CHSY3: variants seen among roughly 807,000 people sequenced by gnomAD.
CHSY3 encodes the protein chondroitin sulfate synthase 3, also known as N-acetylgalactosaminyl-proteoglycan 3-beta-glucuronosyltransferase 3.
A neutral mutation model predicts 67.2 loss-of-function variants in CHSY3; 35 were observed. That is an observed-to-expected ratio of 0.52 (90% confidence interval 0.40 to 0.69). CHSY3 has a LOEUF of 0.69. Among genes scored for constraint, CHSY3 ranks in the 30% least tolerant of loss-of-function variants. The pLI, the probability that CHSY3 is intolerant of heterozygous loss-of-function variation, is 0.00. For missense variants in CHSY3, 1,069 were observed against 1,138.5 expected (o/e 0.94, Z 0.88); for synonymous variants, 474 against 434.7 (o/e 1.09, Z -1.12).
intron 2 of CHSY3, among the ~76,000 whole-genome samples, chr5:130,011,663 G>C (rs759074362): frequency 7.2e-5 from 11 of 152,146 alleles, no homozygotes; most frequent in Non-Finnish European, 1.2e-4. Flanking sequence ...CATCCAAATA[G>C]GAAGATAGGA....
In CHSY3 at chr5:129,904,549, T is replaced by C. The variant is rs886537665; in HGVS notation, c.-281T>C. 2.8e-6 allele frequency: 1 copy of C among 356,322 alleles called. No homozygotes were observed. Among genetic ancestry groups the C allele is most frequent in the Non-Finnish European group, 4.7e-6 (1 of 212,070 alleles). 22.1% of individuals were successfully genotyped at this position (356,322 alleles called of 1,614,324 possible). On this transcript the variant is annotated 5_prime_UTR_variant, in exon 1 of 3. Transcript: ENST00000305031. ...CTCCTGCAGCTCCTCCAGCTGCCGC[T>C]GCTGCCGCCGCTGCCGCCACCGCCG...
intron 2 of CHSY3, among the ~76,000 whole-genome samples, chr5:130,080,137 A>G (rs891764763): frequency 1.3e-5 from 2 of 151,884 alleles, no homozygotes; most frequent in African/African-American, 4.8e-5. Flanking sequence ...ATGTATATCT[A>G]TCATGCTACT....
chr5:130,051,193 C>A (rs539259269), intron 2 of CHSY3, among the ~76,000 whole-genome samples: 2 of 151,824 alleles, frequency 1.3e-5, no homozygotes, highest in Non-Finnish European at 2.9e-5. Flanking sequence ...TGGAGGTGGG[C>A]GTGCATGGAG....
chr5:130,117,529 T>C (rs1181271482), intron 2 of CHSY3, among the ~76,000 whole-genome samples: 2 of 152,222 alleles, frequency 1.3e-5, no homozygotes, highest in Admixed American at 6.5e-5. Flanking sequence ...ACACCATGTC[T>C]ACTTTCTGGG....
At chr5:130,132,459 A>G (rs1768512759) in intron 2 of CHSY3, among the ~76,000 whole-genome samples, 3 of 152,342 alleles carry the variant, frequency 2.0e-5, no homozygotes, top group Non-Finnish European at 2.9e-5. Context: ...AAAAACCACA[A>G]TAACAAATTA....
At chr5:130,047,653 C>G (rs1315585449) in intron 2 of CHSY3, among the ~76,000 whole-genome samples, 1 of 151,916 alleles carries the variant, frequency 6.6e-6, no homozygotes, top group Non-Finnish European at 1.5e-5. Context: ...ATAATATGTT[C>G]TAAAATCCTC....
intron 2 of CHSY3, among the ~76,000 whole-genome samples, chr5:129,944,266 T>C (rs561335908): frequency 7.2e-5 from 11 of 152,356 alleles, no homozygotes; most frequent in African/African-American, 2.4e-4. Flanking sequence ...AGACTAGTTG[T>C]TCTAGACTGG....
chr5:130,037,351 A>G (rs1178325687), intron 2 of CHSY3, among the ~76,000 whole-genome samples: 1 of 152,138 alleles, frequency 6.6e-6, no homozygotes, highest in East Asian at 1.9e-4. Context: ...CTTGCCAAGG[A>G]AGGTACAGGA....
chr5:130,018,072 GTTCTT>G (rs1236520640), intron 2 of CHSY3, among the ~76,000 whole-genome samples: 1 of 151,786 alleles, frequency 6.6e-6, no homozygotes, highest in Non-Finnish European at 1.5e-5. Flanking sequence ...ACGTCTTTAG[GTTCTT>G]TTGTTTTTTA....
chr5:130,020,224 C>T (rs1764327151), intron 2 of CHSY3, among the ~76,000 whole-genome samples: 1 of 151,522 alleles, frequency 6.6e-6, no homozygotes, highest in Admixed American at 6.6e-5. Context: ...TAGAGACCAG[C>T]CTGGACAACA....
intron 2 of CHSY3, among the ~76,000 whole-genome samples, chr5:130,088,699 A>G (rs1196861351): frequency 3.3e-5 from 5 of 152,206 alleles, no homozygotes; most frequent in East Asian, 3.9e-4. Flanking sequence ...TTAGAATGGC[A>G]ATCATTAAAA....
At chr5:130,038,642 A>G (rs557625270) in intron 2 of CHSY3, among the ~76,000 whole-genome samples, 28 of 152,222 alleles carry the variant, frequency 1.8e-4, no homozygotes, top group African/African-American at 6.5e-4. Context: ...TCCTCTCCAT[A>G]GTGTATTGTT....
chr5:130,102,218 A>G (rs1310755283), intron 2 of CHSY3, among the ~76,000 whole-genome samples: 4 of 152,140 alleles, frequency 2.6e-5, no homozygotes, highest in African/African-American at 9.6e-5. Flanking sequence ...GCAGTAAGAC[A>G]GTGCTATAGC....
At chr5:130,046,282 A>G (rs1765145163) in intron 2 of CHSY3, among the ~76,000 whole-genome samples, 1 of 152,110 alleles carries the variant, frequency 6.6e-6, no homozygotes, top group Admixed American at 6.6e-5. Context: ...CCAAAGTTAG[A>G]CTGATTTATA....
At chr5:130,087,735 A>G (rs962049888) in intron 2 of CHSY3, among the ~76,000 whole-genome samples, 1 of 152,050 alleles carries the variant, frequency 6.6e-6, no homozygotes, top group Non-Finnish European at 1.5e-5. Context: ...AACAAATGGA[A>G]GAACATTCCA....
At chr5:130,174,928 C>A (rs566104160) in intron 2 of CHSY3, among the ~76,000 whole-genome samples, 1 of 152,260 alleles carries the variant, frequency 6.6e-6, no homozygotes, top group South Asian at 2.1e-4. Flanking sequence ...ATGCACCCCC[C>A]TGAATTACAA....
intron 2 of CHSY3, among the ~76,000 whole-genome samples, chr5:129,975,860 C>G (rs1039388708): frequency 1.3e-5 from 2 of 151,886 alleles, no homozygotes; most frequent in African/African-American, 4.8e-5. Flanking sequence ...AGGGTTGTTG[C>G]ATGGATAAAA....
At chr5:130,062,258 G>A (rs576469065) in intron 2 of CHSY3, among the ~76,000 whole-genome samples, 4 of 151,764 alleles carry the variant, frequency 2.6e-5, no homozygotes, top group Non-Finnish European at 5.9e-5. Flanking sequence ...AACATGTATG[G>A]AGTTGGAGGC....
At chr5:129,965,531 A>G (rs906554695) in intron 2 of CHSY3, among the ~76,000 whole-genome samples, 22 of 151,842 alleles carry the variant, frequency 1.4e-4, no homozygotes, top group Non-Finnish European at 2.7e-4. Flanking sequence ...GCTGCAGTGC[A>G]CCTTGAGGTT....
Sources: allele counts gnomAD v4.1 joint callset (sites outside exome capture counted in the v4.1 genomes callset), GRCh38; gene constraint gnomAD v4.1.1; transcripts MANE v1.5; gene names NCBI Gene and HGNC (gene_info 2026-07-23, HGNC 2026-07-21).